ASIC2: variants seen among roughly 807,000 people sequenced by gnomAD.
The protein encoded by ASIC2 is acid-sensing ion channel 2.
Under a neutral mutation model 57.3 loss-of-function variants are expected in ASIC2, and 25 were observed. That is an observed-to-expected ratio of 0.44 (90% CI 0.32 to 0.61). ASIC2 has a LOEUF of 0.61. Ranked by LOEUF, ASIC2 falls within the 20% of genes least tolerant of loss-of-function variation. The pLI, the probability that ASIC2 is intolerant of heterozygous loss-of-function variation, is 0.06. For synonymous variants in ASIC2, 319 were observed against 307.5 expected (o/e 1.04, Z -0.39); for missense variants, 641 against 738.1 (o/e 0.87, Z 1.52).
rs368732687 is a variant in ASIC2 at position 33,292,423 on chromosome 17, A to G, written c.-308T>C. On this transcript the variant is annotated 5_prime_UTR_variant, in exon 1 of 10. Coordinates refer to ENST00000225823, the MANE Select transcript of ASIC2 (RefSeq NM_183377.2). ...TGGAGGATGCCCGGCGCCCGGCACT[A>G]CTTCTGGAGGGGTCCCACTGGGAGC... is the stretch of plus-strand genomic sequence containing the variant. The G allele has an allele frequency of 5.4e-4, 528 of 985,058 alleles. 4 individuals are homozygous for G. The African/African-American group carries it at 8.5e-3, about 16-fold the overall frequency. The allele number at this position is 985,058 out of a possible 1,614,324, so 61.0% of individuals were successfully genotyped here.
intron 1 of ASIC2, among the ~76,000 whole-genome samples, chr17:33,705,030 A>T (rs1377771758): frequency 6.6e-6 from 1 of 152,172 alleles, no homozygotes; most frequent in Non-Finnish European, 1.5e-5. Flanking sequence ...GAACAACATG[A>T]ATGTCAGTGT....
chr17:33,630,143 C>T (rs1199607587), intron 1 of ASIC2, among the ~76,000 whole-genome samples: 1 of 152,156 alleles, frequency 6.6e-6, no homozygotes, highest in East Asian at 1.9e-4. Flanking sequence ...TTCTTCCCTA[C>T]CCTCAATCCC....
chr17:34,088,798 C>G (rs1330183438), intron 1 of ASIC2, among the ~76,000 whole-genome samples: 1 of 152,222 alleles, frequency 6.6e-6, no homozygotes, highest in Non-Finnish European at 1.5e-5. Flanking sequence ...GACTGCTGTG[C>G]TAGCAATCAG....
intron 1 of ASIC2, among the ~76,000 whole-genome samples, chr17:33,754,428 G>A (rs1361376086): frequency 6.6e-6 from 1 of 152,036 alleles, no homozygotes; most frequent in African/African-American, 2.4e-5. Flanking sequence ...GCTCTAAGCA[G>A]GCCCAGCAGC....
At chr17:33,812,619 C>A (rs1912458225) in intron 1 of ASIC2, among the ~76,000 whole-genome samples, 1 of 152,068 alleles carries the variant, frequency 6.6e-6, no homozygotes, top group Non-Finnish European at 1.5e-5. Context: ...GAGGACCTGA[C>A]CCAGCTCCTT....
intron 1 of ASIC2, among the ~76,000 whole-genome samples, chr17:33,510,589 G>T (rs1012736041): frequency 6.6e-6 from 1 of 152,076 alleles, no homozygotes; most frequent in East Asian, 1.9e-4. Context: ...TTGTGATGGT[G>T]CCACTGCACT....
intron 1 of ASIC2, among the ~76,000 whole-genome samples, chr17:33,623,854 G>A (rs1473005741): frequency 6.6e-6 from 1 of 151,996 alleles, no homozygotes; most frequent in African/African-American, 2.4e-5. Context: ...TGTAGTATTT[G>A]ACTTGGCTGG....
chr17:33,864,521 T>C lies in ASIC2; in HGVS notation c.555+291457A>G, dbSNP rs567195929. Among the ~76,000 whole-genome samples the C allele has an allele frequency of 1.8e-4, 27 of 152,312 alleles. No homozygotes were observed. In the East Asian group the frequency reaches 4.3e-3, roughly 24 times the overall value. On this transcript the variant is annotated intron_variant, in intron 1 of 9. Transcript: ENST00000359872. ...CAGCCACACATGGCCCTTTAAGAAC[T>C]CTTTCTACATTTATTTTGTGATGTC...
intron 1 of ASIC2, among the ~76,000 whole-genome samples, chr17:33,720,614 TAAAG>T (rs1909359612): frequency 6.6e-6 from 1 of 151,910 alleles, no homozygotes; most frequent in African/African-American, 2.4e-5. Context: ...AATGAAAAAA[TAAAG>T]AAACATAAAT....
intron 1 of ASIC2, among the ~76,000 whole-genome samples, chr17:33,174,785 A>G (rs1905677055): frequency 6.6e-6 from 1 of 152,192 alleles, no homozygotes; most frequent in African/African-American, 2.4e-5. Context: ...TGGGTCCCTG[A>G]GTCACCTGCT....
intron 1 of ASIC2, among the ~76,000 whole-genome samples, chr17:34,099,454 AAAAGAAAG>A (rs151207528): frequency 6.6e-5 from 9 of 136,458 alleles, no homozygotes; most frequent in Non-Finnish European, 9.3e-5. Context: ...AGAAAGAAAG[AAAAGAAAG>A]AAAGAGAGAG....
At chr17:33,397,108 C>G (rs1910106118) in intron 1 of ASIC2, among the ~76,000 whole-genome samples, 1 of 152,162 alleles carries the variant, frequency 6.6e-6, no homozygotes, top group African/African-American at 2.4e-5. Context: ...CAGGTCCTGC[C>G]TAGATTGCTC....
At chr17:33,958,225 G>C (rs1198427539) in intron 1 of ASIC2, among the ~76,000 whole-genome samples, 2 of 152,210 alleles carry the variant, frequency 1.3e-5, no homozygotes, top group Admixed American at 1.3e-4. Flanking sequence ...GGTGCACGAT[G>C]CAAGCTGTAA....
chr17:33,293,855 G>T (rs1905611093), upstream of ASIC2, among the ~76,000 whole-genome samples: 1 of 152,102 alleles, frequency 6.6e-6, no homozygotes, highest in Non-Finnish European at 1.5e-5. Context: ...GGTTTGAAAT[G>T]CATGTGTTGA....
chr17:33,864,936 A>C (rs1306534404), intron 1 of ASIC2, among the ~76,000 whole-genome samples: 2 of 151,858 alleles, frequency 1.3e-5, no homozygotes, highest in Non-Finnish European at 2.9e-5. Flanking sequence ...AGGAGACCAG[A>C]TGTCCGTGGA....
chr17:34,068,700 G>T (rs1027650509), intron 1 of ASIC2, among the ~76,000 whole-genome samples: 9 of 152,186 alleles, frequency 5.9e-5, no homozygotes, highest in Non-Finnish European at 1.3e-4. Context: ...AATGTTCATT[G>T]TTTCCTGACA....
intron 1 of ASIC2, among the ~76,000 whole-genome samples, chr17:33,383,704 A>G (rs1210291918): frequency 2.0e-5 from 3 of 152,228 alleles, no homozygotes; most frequent in African/African-American, 7.2e-5. Context: ...GTTTCTTTCA[A>G]TGACTCAGAC....
At chr17:34,089,007 G>T (rs1910224746) in intron 1 of ASIC2, among the ~76,000 whole-genome samples, 1 of 152,200 alleles carries the variant, frequency 6.6e-6, no homozygotes, top group African/African-American at 2.4e-5. Context: ...GCAATGCCTA[G>T]CCCTGCTTCG....
rs536274973 is a variant in ASIC2 at position 33,600,412 on chromosome 17, G to C, written c.556-488345C>G. Among the ~76,000 whole-genome samples the C allele has an allele frequency of 6.0e-4, 91 of 152,136 alleles. 1 individual carries two copies. The highest frequency in any genetic ancestry group is 1.1e-3 in the Non-Finnish European group (76 of 68,026). On this transcript the variant is annotated intron_variant, in intron 1 of 9. Transcript: ENST00000359872. ...ATTTCTGTTTATTATAAATTACCTG[G>C]TCTGTGGCATTCTGTTATAGCAGTG...
Sources: gnomAD v4.1 joint callset for allele counts (sites outside exome capture counted in the v4.1 genomes callset) on GRCh38, gnomAD v4.1.1 for gene constraint, MANE v1.5 for transcripts, NCBI Gene and HGNC (gene_info 2026-07-23, HGNC 2026-07-21) for gene names.